The following TSHZ1 variants were observed in gnomAD, a reference collection of about 807,000 sequenced individuals.
The protein encoded by TSHZ1 is teashirt homolog 1.
In TSHZ1, 12 loss-of-function variants were observed where a neutral mutation model predicts 67.1. The observed-to-expected ratio is 0.18, with a 90% CI of 0.11 to 0.29. The LOEUF (loss-of-function observed/expected upper bound fraction) is 0.29, where lower values mean the gene tolerates loss of function less well. TSHZ1 is among the 10% of genes least tolerant of loss of function. TSHZ1 has a pLI of 1.00. For synonymous variants in TSHZ1, 632 were observed against 622.4 expected (o/e 1.02, Z -0.23); for missense variants, 1,305 against 1,413.9 (o/e 0.92, Z 1.23).
intron 1 of TSHZ1, among the ~76,000 whole-genome samples, chr18:75,240,842 C>G (rs1568357477): frequency 6.6e-6 from 1 of 152,222 alleles, no homozygotes; most frequent in Admixed American, 6.5e-5. Flanking sequence ...CAAACCTACT[C>G]AATTTTGATC....
intron 1 of TSHZ1, among the ~76,000 whole-genome samples, chr18:75,275,489 G>T (rs1012520643): frequency 6.6e-6 from 1 of 152,176 alleles, no homozygotes. Context: ...TCTGCGTTAC[G>T]TTTCTTTACA....
At chr18:75,267,448 C>T (rs997495613) in intron 1 of TSHZ1, among the ~76,000 whole-genome samples, 2 of 152,188 alleles carry the variant, frequency 1.3e-5, no homozygotes, top group East Asian at 1.9e-4. Context: ...GGAGATGGAA[C>T]GCTGCTCATT....
chr18:75,246,100 G>T (rs2023218336), intron 1 of TSHZ1, among the ~76,000 whole-genome samples: 1 of 152,182 alleles, frequency 6.6e-6, no homozygotes, highest in Non-Finnish European at 1.5e-5. Context: ...ATTCAACCAA[G>T]ACCTGCGCTT....
chr18:75,244,941 CCT>C (rs1219234693), intron 1 of TSHZ1, among the ~76,000 whole-genome samples: 1 of 152,102 alleles, frequency 6.6e-6, no homozygotes, highest in African/African-American at 2.4e-5. Context: ...TTCTCTCTCT[CCT>C]CTCTTTCTCT....
At chr18:75,240,694 C>T (rs1190120723) in intron 1 of TSHZ1, among the ~76,000 whole-genome samples, 2 of 152,186 alleles carry the variant, frequency 1.3e-5, no homozygotes, top group African/African-American at 4.8e-5. Flanking sequence ...TCCTCTGATG[C>T]TTCTGGTTGG....
rs541901646 is a variant in TSHZ1, at chr18:75,281,086, C to G, written c.41-4362C>G. Among the ~76,000 whole-genome samples, 27 of 152,300 alleles carry G rather than the reference C, an allele frequency of 1.8e-4. No homozygotes were observed. The highest frequency in any genetic ancestry group is 6.3e-4 in the African/African-American group (26 of 41,576). On this transcript the variant is annotated intron_variant, in intron 1 of 1. Coordinates refer to ENST00000580243, the MANE Select transcript of TSHZ1 (RefSeq NM_001308210.2). The surrounding 1 kb of genome is among the most constrained non-coding windows in gnomAD (Gnocchi z 5.3). Reference sequence around the variant, plus strand: ...GTCCAGACGCCCTGCCTGGGACACGCAGCTTCAGCAAAGGCTTGCACTCAG... The same window carrying G: ...GTCCAGACGCCCTGCCTGGGACACGGAGCTTCAGCAAAGGCTTGCACTCAG...
intron 1 of TSHZ1, among the ~76,000 whole-genome samples, chr18:75,223,060 G>C (rs948700074): frequency 6.6e-6 from 1 of 152,152 alleles, no homozygotes; most frequent in Non-Finnish European, 1.5e-5. Flanking sequence ...CCAGCACTGC[G>C]GTACTTGATA....
At chr18:75,242,887 T>C (rs1345574041) in intron 1 of TSHZ1, among the ~76,000 whole-genome samples, 2 of 152,268 alleles carry the variant, frequency 1.3e-5, no homozygotes, top group African/African-American at 2.4e-5. Flanking sequence ...CTTGAAATTC[T>C]TTGCTTTCCA....
chr18:75,258,219 G>A (rs995324288), intron 1 of TSHZ1, among the ~76,000 whole-genome samples: 2 of 152,194 alleles, frequency 1.3e-5, no homozygotes, highest in Non-Finnish European at 2.9e-5. Context: ...ATGTGTTGAT[G>A]GAGTGCACGT....
rs149727724 is a variant in TSHZ1, at chr18:75,231,153, C to T, written c.40+19237C>T. Among the ~76,000 whole-genome samples the T allele has an allele frequency of 1.6e-3, 246 of 152,286 alleles. 5 individuals are homozygous for T. Among genetic ancestry groups the T allele is most frequent in the South Asian group, 0.013 (63 of 4,816 alleles). On this transcript the variant is annotated intron_variant, in intron 1 of 1. Coordinates refer to ENST00000580243, the MANE Select transcript of TSHZ1 (RefSeq NM_001308210.2). ...GTGGGCCTGACAGGCTCTGGGCACA[C>T]GAGGCGCTGTAGGTGCCTGGCCCCA...
rs145392730 is a variant in TSHZ1, at chr18:75,233,187, G to A, written c.40+21271G>A. ...TTCTCCCATGTTCACATATAAAAGTGATATCAGTTATATCTGCAGTCTGCT... is the reference window on the plus strand; with the variant it reads ...TTCTCCCATGTTCACATATAAAAGTAATATCAGTTATATCTGCAGTCTGCT... On this transcript the variant is annotated intron_variant, in intron 1 of 1. Transcript: ENST00000580243. Among the ~76,000 whole-genome samples, 299 of 152,316 alleles carry A rather than the reference G, an allele frequency of 2.0e-3. 1 individual carries two copies. The highest frequency in any genetic ancestry group is 6.7e-3 in the African/African-American group (279 of 41,562).
chr18:75,211,808 G>A lies in TSHZ1; in HGVS notation c.-69G>A. 3 of 1,028,094 alleles carry A rather than the reference G, an allele frequency of 2.9e-6. No individual in the cohort carries two copies. The highest frequency in any genetic ancestry group is 3.5e-6 in the Non-Finnish European group (3 of 856,642). 63.7% of individuals were successfully genotyped at this position (1,028,094 alleles called of 1,614,324 possible). A position where few individuals can be genotyped will look rare whatever the true frequency, so the allele number is the denominator to read the frequency against. On this transcript the variant is annotated 5_prime_UTR_variant, in exon 1 of 2. Coordinates refer to ENST00000580243, the MANE Select transcript of TSHZ1 (RefSeq NM_001308210.2). ...CGCCGCGGAGTTGCGCCCGCGCCCG[G>A]GGCCCCGCGTCCCCGCGCCCCGCGA...
At chr18:75,216,517 T>C (rs1370976038) in intron 1 of TSHZ1, among the ~76,000 whole-genome samples, 2 of 152,204 alleles carry the variant, frequency 1.3e-5, no homozygotes, top group African/African-American at 4.8e-5. Context: ...GTAGTATCTA[T>C]ACAGGCCGAT....
chr18:75,274,957 G>C (rs2023599225), intron 1 of TSHZ1, among the ~76,000 whole-genome samples: 1 of 152,154 alleles, frequency 6.6e-6, no homozygotes, highest in Non-Finnish European at 1.5e-5. Flanking sequence ...CAATTATGCA[G>C]GATGTGTTAG....
At chr18:75,275,459 G>A (rs2122601829) in intron 1 of TSHZ1, among the ~76,000 whole-genome samples, 1 of 152,326 alleles carries the variant, frequency 6.6e-6, no homozygotes, top group East Asian at 1.9e-4. Flanking sequence ...CATGTAGTCA[G>A]AGAACGAGCC....
Position 75,287,710 on chromosome 18 carries a change from T to G in TSHZ1, c.2303T>G (p.Leu768Arg). ...GKVSKPVSPS[L>R]DPLAMLYKIS... ...GTGTCCAAGCCCGTGAGTCCCTCGC[T>G]GGACCCGCTGGCGATGCTGTACAAG... The change falls in exon 2 of 2, where the codon CTG (leucine) becomes CGG (arginine). Residue 768 changes from leucine (L) to arginine (R), a missense_variant. Physicochemically the swap from Leu to Arg is moderately radical, Grantham distance 102 (BLOSUM62 -2). Transcript: ENST00000580243. This position sits in a 1 kb window ranked among gnomAD's most constrained non-coding sequence, Gnocchi z 5.0. The G allele has an allele frequency of 6.2e-7, 1 of 1,614,216 alleles. No individual in the cohort carries two copies. The highest frequency in any genetic ancestry group is 8.5e-7 in the Non-Finnish European group (1 of 1,180,050).
In TSHZ1 at chr18:75,287,578, C is replaced by T; in HGVS notation, c.2171C>T (p.Thr724Ile). ...NGTEPLKAKV[T>I]NGCNNLGIIM... is the part of the protein sequence containing the mutation. Reference sequence around the variant, plus strand: ...ACAGAGCCTCTCAAAGCAAAGGTCACCAACGGCTGTAACAACCTGGGGATC... The same window carrying T: ...ACAGAGCCTCTCAAAGCAAAGGTCATCAACGGCTGTAACAACCTGGGGATC... Residue 724 changes from threonine to isoleucine, a missense_variant, in exon 2 of 2, where the codon ACC (threonine) becomes ATC (isoleucine). Around this residue, in one of 3 missense-constraint regions of TSHZ1, gnomAD observed 909 missense variants for 961.8 expected, o/e 0.95. Transcript: ENST00000580243. The surrounding 1 kb of genome is among the most constrained non-coding windows in gnomAD (Gnocchi z 5.0). 1 of 1,614,232 alleles carries T rather than the reference C, an allele frequency of 6.2e-7. No homozygotes were observed. Among genetic ancestry groups the T allele is most frequent in the Non-Finnish European group, 8.5e-7 (1 of 1,180,052 alleles).
intron 1 of TSHZ1, among the ~76,000 whole-genome samples, chr18:75,252,754 C>T (rs1411574674): frequency 3.9e-5 from 6 of 151,962 alleles, no homozygotes; most frequent in Non-Finnish European, 7.4e-5. Context: ...TATATATTTG[C>T]GATTGTCTTT....
At chr18:75,263,961 T>C (rs1328364455) in intron 1 of TSHZ1, among the ~76,000 whole-genome samples, 1 of 152,230 alleles carries the variant, frequency 6.6e-6, no homozygotes, top group African/African-American at 2.4e-5. Context: ...GCTACTGTAG[T>C]TATACTACAT....
Sources: allele counts gnomAD v4.1 joint callset (sites outside exome capture counted in the v4.1 genomes callset), GRCh38; gene constraint gnomAD v4.1.1; regional missense constraint gnomAD v4.1.1; non-coding constraint Gnocchi (gnomAD v3.1); transcripts MANE v1.5; gene names NCBI Gene and HGNC (gene_info 2026-07-23, HGNC 2026-07-21).